The following PDCD6IP variants were observed in gnomAD, a reference collection of about 807,000 sequenced individuals.
PDCD6IP encodes programmed cell death 6 interacting protein.
In PDCD6IP, 43 loss-of-function variants were observed where a neutral mutation model predicts 103.7. The observed-to-expected ratio is 0.41, with a 90% CI of 0.32 to 0.53. The LOEUF (loss-of-function observed/expected upper bound fraction) is 0.53, where lower values mean the gene tolerates loss of function less well. Among genes scored for constraint, PDCD6IP ranks in the 20% least tolerant of loss-of-function variants. The pLI is 0.16. For synonymous variants in PDCD6IP, 354 were observed against 378.7 expected (o/e 0.93, Z 0.76); for missense variants, 871 against 1,036.7 (o/e 0.84, Z 2.20).
At position 33,867,774 on chromosome 3, in the gene PDCD6IP, C is replaced by A. The variant is rs1698098496; in HGVS notation, c.*1249C>A. 6.6e-6 allele frequency: 1 copy of A among 152,280 alleles called. No individual in the cohort carries two copies. The highest frequency in any genetic ancestry group is 1.9e-4 in the East Asian group (1 of 5,184). 9.4% of individuals were successfully genotyped at this position (152,280 alleles called of 1,614,324 possible). ...GATCTGTTTTTTGTGAGGTTCATTT[C>A]TGAACACATTAGGCATATGAGCAGA... is the stretch of plus-strand genomic sequence containing the variant. On this transcript the variant is annotated 3_prime_UTR_variant, in exon 18 of 18. Transcript: ENST00000307296.
intron 17 of PDCD6IP, 123 bp downstream of exon 17, chr3:33,865,553 T>TC: frequency 1.5e-6 from 1 of 671,592 alleles, no homozygotes; most frequent in Middle Eastern, 4.0e-4. Context: ...AGCTACACTG[T>TC]CAGCTTATCC....
intron 1 of PDCD6IP, 80 bp downstream of exon 1, chr3:33,799,017 A>G: frequency 7.7e-7 from 1 of 1,302,364 alleles, no homozygotes; most frequent in Non-Finnish European, 1.0e-6. Context: ...CCCTTCCTTC[A>G]ATCCTGTAAC....
At chr3:33,849,900 G>A (rs1051051980) in intron 12 of PDCD6IP, among the ~76,000 whole-genome samples, 1 of 152,054 alleles carries the variant, frequency 6.6e-6, no homozygotes, top group African/African-American at 2.4e-5. Context: ...CCACAAGTTC[G>A]TTCATAAATT....
intron 10 of PDCD6IP, among the ~76,000 whole-genome samples, chr3:33,842,792 C>T (rs1697506502): frequency 6.6e-6 from 1 of 152,162 alleles, no homozygotes; most frequent in African/African-American, 2.4e-5. Flanking sequence ...TATTATTACT[C>T]AGATTTTACC....
At chr3:33,831,453 A>G (rs938240542) in intron 7 of PDCD6IP, among the ~76,000 whole-genome samples, 1 of 152,160 alleles carries the variant, frequency 6.6e-6, no homozygotes, top group Admixed American at 6.6e-5. Flanking sequence ...TATAACATCT[A>G]ACTTCAGTTT....
At chr3:33,841,507 C>T (rs4679089) in intron 9 of PDCD6IP, among the ~76,000 whole-genome samples, 25,345 of 135,142 alleles carry the variant, frequency 0.19, 2,595 homozygotes, top group East Asian at 0.4. Context: ...GGCGCGATCT[C>T]GGCTCACTGC....
At chr3:33,818,681 G>C (rs1276329426) in intron 3 of PDCD6IP, among the ~76,000 whole-genome samples, 1 of 151,816 alleles carries the variant, frequency 6.6e-6, no homozygotes, top group East Asian at 1.9e-4. Flanking sequence ...ACCACGTCCA[G>C]CTAATTTTTG....
chr3:33,866,163 T>C (rs920991646), intron 17 of PDCD6IP, among the ~76,000 whole-genome samples, 188 bp from the exon 18 acceptor site: 5 of 152,244 alleles, frequency 3.3e-5, no homozygotes, highest in Non-Finnish European at 5.9e-5. Context: ...TCTTTTGTTT[T>C]AATTAATAAC....
At chr3:33,840,186 A>G (rs1026674989) in intron 9 of PDCD6IP, among the ~76,000 whole-genome samples, 2 of 152,206 alleles carry the variant, frequency 1.3e-5, no homozygotes, top group Non-Finnish European at 2.9e-5. Context: ...TGTATTATAT[A>G]GTATATTCTT....
At position 33,826,674 on chromosome 3, in the gene PDCD6IP, A is replaced by G. The variant is rs113593059; in HGVS notation, c.717+94A>G. On this transcript the variant is annotated intron_variant, in intron 6 of 17. Coordinates refer to ENST00000307296, the MANE Select transcript of PDCD6IP (RefSeq NM_013374.6). ...GAAGCAAGTTGAAACTTATAAAGAA[A>G]TTTGAAGTTTTAATAGAGTTATCTG... The G allele has an allele frequency of 1.8e-5, 27 of 1,528,586 alleles. No individual in the cohort carries two copies. In the African/African-American group the frequency reaches 1.8e-4, roughly 10 times the overall value. 94.7% of individuals were successfully genotyped at this position (1,528,586 alleles called of 1,614,324 possible).
At chr3:33,861,933 T>C (rs1468069228) in intron 15 of PDCD6IP, among the ~76,000 whole-genome samples, 4 of 152,218 alleles carry the variant, frequency 2.6e-5, no homozygotes. Flanking sequence ...AATACTACTG[T>C]CAGGTTGTTG....
Position 33,817,195 on chromosome 3 carries a change from C to T in PDCD6IP, c.334+3567C>T, listed in dbSNP as rs369728015. ...ACTCTAGGGTCCCCGGAATTGGGCT[C>T]CTTGGGACACTCCTCATACAGAACT... On this transcript the variant is annotated intron_variant, in intron 3 of 17. Transcript: ENST00000307296. 8.5e-5 allele frequency among the ~76,000 whole-genome samples: 13 copies of T among 152,270 alleles called. No homozygotes were observed. In the South Asian group the frequency reaches 2.1e-3, roughly 24 times the overall value.
At chr3:33,865,161 A>G (rs1698034781) in intron 16 of PDCD6IP, 82 bp from the exon 17 acceptor site, 9 of 943,058 alleles carry the variant, frequency 9.5e-6, no homozygotes, top group Non-Finnish European at 1.4e-5. Flanking sequence ...AGAGTTTCTC[A>G]TATGTCCTTA....
chr3:33,801,054 C>T (rs892548784), intron 1 of PDCD6IP, among the ~76,000 whole-genome samples: 6 of 152,166 alleles, frequency 3.9e-5, no homozygotes, highest in Non-Finnish European at 8.8e-5. Context: ...GTATAATCCC[C>T]TCCTGCCACA....
At position 33,867,507 on chromosome 3, in the gene PDCD6IP, A is replaced by G. The variant is rs1314802382; in HGVS notation, c.*982A>G. 6.6e-6 allele frequency: 1 copy of G among 152,228 alleles called. No individual in the cohort carries two copies. The highest frequency in any genetic ancestry group is 2.4e-5 in the African/African-American group (1 of 41,452). The allele number at this position is 152,228 out of a possible 1,614,324, so 9.4% of individuals were successfully genotyped here. Reference sequence around the variant, plus strand: ...AACTTAGTGACATTTAATGCCCAATATGTATGAATAGATCTAAGCCATTTA... The same window carrying G: ...AACTTAGTGACATTTAATGCCCAATGTGTATGAATAGATCTAAGCCATTTA... On this transcript the variant is annotated 3_prime_UTR_variant, in exon 18 of 18. Transcript: ENST00000307296.
intron 15 of PDCD6IP, among the ~76,000 whole-genome samples, chr3:33,863,458 A>G (rs1697997320): frequency 6.6e-6 from 1 of 152,136 alleles, no homozygotes; most frequent in South Asian, 2.1e-4. Context: ...TCTAGTAACC[A>G]TCATTCTACT....
intron 12 of PDCD6IP, among the ~76,000 whole-genome samples, chr3:33,852,097 C>T (rs751129900): frequency 1.8e-4 from 27 of 152,100 alleles, no homozygotes; most frequent in Non-Finnish European, 3.7e-4. Flanking sequence ...CACCTCTGCC[C>T]CTTAGTAGCT....
chr3:33,820,652 T>G lies in PDCD6IP; in HGVS notation c.335-1303T>G, dbSNP rs779017408. On this transcript the variant is annotated intron_variant, in intron 3 of 17. Transcript: ENST00000307296. Reference sequence around the variant, plus strand: ...TAGGTAACTCATATAAGTGGAATCATACAATATTTGTCTTTTTGTGACTGA... The same window carrying G: ...TAGGTAACTCATATAAGTGGAATCAGACAATATTTGTCTTTTTGTGACTGA... Among the ~76,000 whole-genome samples the G allele has an allele frequency of 2.0e-5, 3 of 152,258 alleles. 1 individual carries two copies. The highest frequency in any genetic ancestry group is 4.4e-5 in the Non-Finnish European group (3 of 68,044).
chr3:33,851,664 G>A (rs1264461960), intron 12 of PDCD6IP, among the ~76,000 whole-genome samples: 1 of 151,602 alleles, frequency 6.6e-6, no homozygotes, highest in Admixed American at 6.6e-5. Context: ...GTAGAAATGG[G>A]GTCTCACTTT....
Sources: allele counts gnomAD v4.1 joint callset (sites outside exome capture counted in the v4.1 genomes callset), GRCh38; gene constraint gnomAD v4.1.1; transcripts MANE v1.5; gene names NCBI Gene and HGNC (gene_info 2026-07-23, HGNC 2026-07-21).